Variants in CNTN5 observed in about 807,000 individuals in gnomAD.
CNTN5 encodes the protein contactin 5, also known as contactin-5.
In CNTN5, 77 loss-of-function variants were observed where a neutral mutation model predicts 129.1. The observed-to-expected ratio is 0.60, with a 90% CI of 0.50 to 0.72. CNTN5 has a LOEUF of 0.72. CNTN5 is among the 30% of genes least tolerant of loss of function. CNTN5 has a pLI of 0.00. For missense variants in CNTN5, 1,478 were observed against 1,328.8 expected, an observed-to-expected ratio of 1.11 and a Z score of -1.75; for synonymous variants, 509 against 465.6, an observed-to-expected ratio of 1.09 and a Z score of -1.20.
chr11:99,981,076 G>GTATATATATATATATA, intron 8 of CNTN5, among the ~76,000 whole-genome samples: 1 of 12,334 alleles, frequency 8.1e-5, no homozygotes, highest in South Asian at 6.1e-3. Context: ...AGAGCCAATA[G>GTATATATATATATATA]GATATATATA....
chr11:99,982,006 G>C (rs374452926), intron 8 of CNTN5, among the ~76,000 whole-genome samples: 1 of 152,154 alleles, frequency 6.6e-6, no homozygotes, highest in East Asian at 1.9e-4. Context: ...TTGTAGGATG[G>C]ATCCATCGAT....
chr11:99,950,465 A>T (rs1376109995), intron 7 of CNTN5, among the ~76,000 whole-genome samples: 1 of 152,142 alleles, frequency 6.6e-6, no homozygotes, highest in Non-Finnish European at 1.5e-5. Flanking sequence ...TGGGTGACAG[A>T]GCGAGACTCC....
At chr11:99,026,692 A>G (rs1198808927) in intron 1 of CNTN5, among the ~76,000 whole-genome samples, 1 of 151,612 alleles carries the variant, frequency 6.6e-6, no homozygotes, top group Admixed American at 6.6e-5. Context: ...CATAATAAAC[A>G]AAGTTTCTTC....
At chr11:99,886,834 T>C (rs1476722155) in intron 6 of CNTN5, among the ~76,000 whole-genome samples, 9 of 152,198 alleles carry the variant, frequency 5.9e-5, no homozygotes, top group Non-Finnish European at 1.0e-4. Flanking sequence ...ACCTACTTCA[T>C]TTTTCTAAAA....
At chr11:100,001,034 C>T (rs1242330773) in intron 8 of CNTN5, among the ~76,000 whole-genome samples, 1 of 152,176 alleles carries the variant, frequency 6.6e-6, no homozygotes, top group Non-Finnish European at 1.5e-5. Context: ...AGAGGGGCTG[C>T]TATGAAGATC....
chr11:100,103,121 C>T (rs557987924), intron 13 of CNTN5, among the ~76,000 whole-genome samples: 25 of 152,260 alleles, frequency 1.6e-4, no homozygotes, highest in African/African-American at 5.8e-4. Flanking sequence ...TGCATGCAGG[C>T]TGTACAATAT....
rs889124674 is a variant in CNTN5, at chr11:99,029,385, G to T, written c.-210+8115G>T. Among the ~76,000 whole-genome samples, 10 of 151,906 alleles carry T rather than the reference G, an allele frequency of 6.6e-5. No individual in the cohort carries two copies. The South Asian group carries it at 1.9e-3, about 28-fold the overall frequency. ...AAATCTGGTATGTTTGATACCATAT[G>T]CTTTTGGGGATTCAAAGGAAGTGAG... On this transcript the variant is annotated intron_variant, in intron 1 of 24. Transcript: ENST00000524871.
At chr11:100,085,888 T>C (rs1221706007) in intron 13 of CNTN5, among the ~76,000 whole-genome samples, 3 of 152,022 alleles carry the variant, frequency 2.0e-5, no homozygotes, top group East Asian at 1.9e-4. Context: ...AAAGATAAGC[T>C]TCCTGGGGGA....
chr11:99,749,152 G>A (rs1944152801), intron 3 of CNTN5, among the ~76,000 whole-genome samples: 2 of 152,012 alleles, frequency 1.3e-5, no homozygotes, highest in Admixed American at 6.6e-5. Context: ...GCTTACTGAT[G>A]GTTCAGTGTA....
Position 99,626,707 on chromosome 11 carries a change from G to T in CNTN5, c.55+70438G>T, listed in dbSNP as rs141733721. On this transcript the variant is annotated intron_variant, in intron 3 of 24. Coordinates refer to ENST00000524871, the MANE Select transcript of CNTN5 (RefSeq NM_014361.4). ...AACATGAATCGCTGACATTTTAAGGGAGACCTAGAGAGTACTACGCTGTTA... is the reference window on the plus strand; with the variant it reads ...AACATGAATCGCTGACATTTTAAGGTAGACCTAGAGAGTACTACGCTGTTA... Among the ~76,000 whole-genome samples the T allele has an allele frequency of 2.0e-5, 3 of 152,052 alleles. 1 individual carries two copies. Among genetic ancestry groups the T allele is most frequent in the Admixed American group, 2.0e-4 (3 of 15,242 alleles).
intron 22 of CNTN5, 79 bp from the exon 23 acceptor site, chr11:100,341,014 T>C (rs549700774): frequency 2.0e-5 from 21 of 1,065,674 alleles, no homozygotes; most frequent in African/African-American, 1.7e-4. Context: ...GGAGAAAAGA[T>C]TGAGATACTC....
chr11:100,032,853 T>A (rs1173898621), intron 9 of CNTN5, among the ~76,000 whole-genome samples: 1 of 152,178 alleles, frequency 6.6e-6, no homozygotes, highest in Non-Finnish European at 1.5e-5. Context: ...CAAATAAGAA[T>A]TTTTAATGAA....
intron 3 of CNTN5, among the ~76,000 whole-genome samples, chr11:99,791,357 C>T (rs2135435792): frequency 6.6e-6 from 1 of 152,288 alleles, no homozygotes; most frequent in South Asian, 2.1e-4. Context: ...TGACCTTCTG[C>T]ATATGGCTAG....
chr11:99,160,202 A>G (rs1860542034), intron 1 of CNTN5, among the ~76,000 whole-genome samples: 1 of 152,216 alleles, frequency 6.6e-6, no homozygotes, highest in Non-Finnish European at 1.5e-5. Flanking sequence ...TAAAAATGAT[A>G]TAAGCCAGTA....
chr11:99,182,304 C>A (rs1238446850), intron 1 of CNTN5, among the ~76,000 whole-genome samples: 1 of 152,096 alleles, frequency 6.6e-6, no homozygotes, highest in East Asian at 1.9e-4. Flanking sequence ...TATTTTATCA[C>A]AAAGCTACTC....
At chr11:99,161,337 A>G (rs1051317218) in intron 1 of CNTN5, among the ~76,000 whole-genome samples, 1 of 152,180 alleles carries the variant, frequency 6.6e-6, no homozygotes, top group Non-Finnish European at 1.5e-5. Flanking sequence ...TTTCCTTAAT[A>G]ACAGAATCTT....
intron 3 of CNTN5, among the ~76,000 whole-genome samples, chr11:99,703,434 T>A (rs78390286): frequency 0.077 from 11,669 of 150,642 alleles, 663 homozygotes; most frequent in Middle Eastern, 0.17. Context: ...AATGTTTCTA[T>A]GAATAGTAGT....
chr11:99,547,446 A>G (rs1051629990), intron 2 of CNTN5, among the ~76,000 whole-genome samples: 1 of 152,248 alleles, frequency 6.6e-6, no homozygotes, highest in Non-Finnish European at 1.5e-5. Flanking sequence ...TAGGAAATGT[A>G]GAAAGTTGCC....
chr11:99,301,546 A>G (rs1399145264), intron 1 of CNTN5, among the ~76,000 whole-genome samples: 1 of 151,902 alleles, frequency 6.6e-6, no homozygotes, highest in African/African-American at 2.4e-5. Context: ...AGATATGATC[A>G]TTATAAGTAT....
Sources: allele counts gnomAD v4.1 joint callset (sites outside exome capture counted in the v4.1 genomes callset), GRCh38; gene constraint gnomAD v4.1.1; transcripts MANE v1.5; gene names NCBI Gene and HGNC (gene_info 2026-07-23, HGNC 2026-07-21).